The following PITPNM3 variants were observed in gnomAD, a reference collection of about 807,000 sequenced individuals.
PITPNM3 encodes membrane-associated phosphatidylinositol transfer protein 3.
In PITPNM3, 26 loss-of-function variants were observed where a neutral mutation model predicts 102.0. That is an observed-to-expected ratio of 0.25 (90% CI 0.19 to 0.35). PITPNM3 has a LOEUF of 0.35. Ranked by LOEUF, PITPNM3 falls within the 10% of genes least tolerant of loss-of-function variation. The pLI, the probability that PITPNM3 is intolerant of heterozygous loss-of-function variation, is 1.00. For missense variants in PITPNM3, 1,083 were observed against 1,346.1 expected (o/e 0.80, Z 3.06); for synonymous variants, 578 against 558.6 (o/e 1.03, Z -0.49).
rs1913957366 is a variant in PITPNM3, at chr17:6,453,508, C to T, written c.*1830G>A. 6.6e-6 allele frequency: 1 copy of T among 152,540 alleles called. No homozygotes were observed. Among genetic ancestry groups the T allele is most frequent in the African/African-American group, 2.4e-5 (1 of 41,446 alleles). The allele number at this position is 152,540 out of a possible 1,614,324, so 9.4% of individuals were successfully genotyped here. A position where few individuals can be genotyped will look rare whatever the true frequency, so the allele number is the denominator to read the frequency against. On this transcript the variant is annotated 3_prime_UTR_variant, in exon 20 of 20. Transcript: ENST00000262483. ...GGCTGAGCCTGATCCGCACTCCTCC[C>T]CATAGACTCGCCAGCAGCCCTGGGC...
intron 5 of PITPNM3, 145 bp from the exon 6 acceptor site, chr17:6,483,897 A>C (rs954222564): frequency 2.3e-5 from 18 of 791,344 alleles, no homozygotes; most frequent in Non-Finnish European, 3.6e-5. Context: ...AGCAGGCACT[A>C]TGTCCAGCCT....
chr17:6,535,256 C>T (rs980658403), intron 2 of PITPNM3, among the ~76,000 whole-genome samples: 2 of 152,090 alleles, frequency 1.3e-5, no homozygotes, highest in African/African-American at 4.8e-5. Context: ...GGGAAGCAGA[C>T]CCTCAAGGGA....
chr17:6,467,983 C>T (rs1053524986), intron 14 of PITPNM3, among the ~76,000 whole-genome samples: 11 of 152,202 alleles, frequency 7.2e-5, no homozygotes, highest in African/African-American at 2.7e-4. Context: ...CCTCACCAAC[C>T]CTAGTGTCTT....
intron 19 of PITPNM3, 85 bp from the exon 20 acceptor site, chr17:6,455,728 GGGAGGGGAGGGGAGGGAGAA>G: frequency 8.1e-6 from 1 of 124,106 alleles, no homozygotes; most frequent in Non-Finnish European, 1.7e-5. Context: ...AAGAGGGGAG[GGGAGGGGAGGGGAGGGAGAA>G]GAAGGGAAGC....
At chr17:6,548,305 C>A (rs992658254) in intron 1 of PITPNM3, among the ~76,000 whole-genome samples, 2 of 152,204 alleles carry the variant, frequency 1.3e-5, no homozygotes, top group African/African-American at 4.8e-5. Context: ...CCAGCCAAAG[C>A]CCCAGAGGCG....
At chr17:6,464,102 A>G (rs1904639713) in intron 16 of PITPNM3, 68 bp downstream of exon 16, 10 of 1,609,144 alleles carry the variant, frequency 6.2e-6, no homozygotes, top group Non-Finnish European at 8.5e-7. Flanking sequence ...CCCATCCTCT[A>G]GACAGGCCTG....
chr17:6,453,059 C>A lies in PITPNM3; in HGVS notation c.*2279G>T, dbSNP rs535063040. On this transcript the variant is annotated 3_prime_UTR_variant, in exon 20 of 20. Coordinates refer to ENST00000262483, the MANE Select transcript of PITPNM3 (RefSeq NM_031220.4). Reference sequence around the variant, plus strand: ...CTTTCTTTCTCCCTCTCTCTCTCTGCCTTCCTCTCTCTGTCTTCCTTTCTT... The same window carrying A: ...CTTTCTTTCTCCCTCTCTCTCTCTGACTTCCTCTCTCTGTCTTCCTTTCTT... 7.0e-6 allele frequency: 1 copy of A among 143,406 alleles called. No individual in the cohort carries two copies. Among genetic ancestry groups the A allele is most frequent in the Non-Finnish European group, 1.5e-5 (1 of 66,956 alleles). 8.9% of individuals were successfully genotyped at this position (143,406 alleles called of 1,614,324 possible). A position where few individuals can be genotyped will look rare whatever the true frequency, so the allele number is the denominator to read the frequency against.
At chr17:6,461,695 C>G in intron 17 of PITPNM3, 139 bp from the exon 18 acceptor site, 2 of 968,792 alleles carry the variant, frequency 2.1e-6, no homozygotes, top group South Asian at 1.3e-5. Context: ...CAAGGGGGAC[C>G]CCGAATCCCC....
intron 19 of PITPNM3, among the ~76,000 whole-genome samples, chr17:6,455,847 T>A (rs1914091940): frequency 6.9e-6 from 1 of 145,580 alleles, no homozygotes; most frequent in African/African-American, 2.6e-5. Context: ...CCTGTCCCCA[T>A]CATTTCCCGG....
intron 3 of PITPNM3, among the ~76,000 whole-genome samples, chr17:6,505,212 A>ATG (rs1483272482): frequency 3.3e-5 from 5 of 149,746 alleles, no homozygotes; most frequent in Admixed American, 3.3e-4. Flanking sequence ...ATATATATAT[A>ATG]TATGTAAAGC....
At chr17:6,483,187 G>A (rs113506844) in intron 6 of PITPNM3, among the ~76,000 whole-genome samples, 20,762 of 151,732 alleles carry the variant, frequency 0.14, 2,052 homozygotes, top group East Asian at 0.31. Flanking sequence ...CTCATGATCC[G>A]CCCACCTCAG....
chr17:6,496,462 C>A (rs570155172), intron 4 of PITPNM3, among the ~76,000 whole-genome samples: 6 of 152,286 alleles, frequency 3.9e-5, no homozygotes, highest in Admixed American at 3.3e-4. Context: ...TCCACTGCCC[C>A]GTGACCAGAT....
Position 6,477,969 on chromosome 17 carries a change from C to G in PITPNM3, c.900+6G>C. On this transcript the variant is annotated splice_donor_region_variant and intron_variant, in intron 8 of 19. Coordinates refer to ENST00000262483, the MANE Select transcript of PITPNM3 (RefSeq NM_031220.4). Reference sequence around the variant, plus strand: ...CCCCTCCCGCGGTCCTGTCCCCCGGCTGTACCTGGGTGCTGCTGATGCTCC... The same window carrying G: ...CCCCTCCCGCGGTCCTGTCCCCCGGGTGTACCTGGGTGCTGCTGATGCTCC... The G allele has an allele frequency of 2.5e-6, 4 of 1,612,376 alleles. No homozygotes were observed. Among genetic ancestry groups the G allele is most frequent in the Non-Finnish European group, 3.4e-6 (4 of 1,180,002 alleles).
At chr17:6,498,266 G>C (rs1906957994) in intron 4 of PITPNM3, among the ~76,000 whole-genome samples, 2 of 152,248 alleles carry the variant, frequency 1.3e-5, no homozygotes, top group Admixed American at 6.5e-5. Context: ...CTCCTCCGCA[G>C]AGATGGATGG....
chr17:6,518,434 G>A, intron 3 of PITPNM3, among the ~76,000 whole-genome samples: 1 of 150,278 alleles, frequency 6.7e-6, no homozygotes. Flanking sequence ...ACCAAAAAAA[G>A]GTAATGGGTA....
At chr17:6,494,243 G>A (rs1165178956) in intron 4 of PITPNM3, among the ~76,000 whole-genome samples, 8 of 152,198 alleles carry the variant, frequency 5.3e-5, no homozygotes, top group East Asian at 3.8e-4. Context: ...GCTCTTCATC[G>A]TCCTGAAGGA....
At chr17:6,549,556 C>T (rs1910199674) in intron 1 of PITPNM3, among the ~76,000 whole-genome samples, 1 of 152,200 alleles carries the variant, frequency 6.6e-6, no homozygotes, top group Non-Finnish European at 1.5e-5. Context: ...GGGCTGGTGG[C>T]CACACAGCTG....
intron 4 of PITPNM3, among the ~76,000 whole-genome samples, chr17:6,488,608 A>G (rs1191108415): frequency 6.6e-6 from 1 of 152,172 alleles, no homozygotes; most frequent in East Asian, 1.9e-4. Flanking sequence ...GGTTCAGGGA[A>G]GCATCATCCA....
At chr17:6,462,494 C>T (rs1406061413) in intron 17 of PITPNM3, among the ~76,000 whole-genome samples, 8 of 152,176 alleles carry the variant, frequency 5.3e-5, no homozygotes, top group African/African-American at 1.9e-4. Flanking sequence ...GCACCATCTC[C>T]TGATATTCCC....
Sources: allele counts gnomAD v4.1 joint callset (sites outside exome capture counted in the v4.1 genomes callset), GRCh38; gene constraint gnomAD v4.1.1; transcripts MANE v1.5; gene names NCBI Gene and HGNC (gene_info 2026-07-23, HGNC 2026-07-21).